The following RAB38 variants were observed in gnomAD, a reference collection of about 807,000 sequenced individuals.
RAB38 encodes ras-related protein Rab-38.
In RAB38, 15 loss-of-function variants were observed where a neutral mutation model predicts 18.4. That is an observed-to-expected ratio of 0.82 (90% CI 0.55 to 1.26). The LOEUF (loss-of-function observed/expected upper bound fraction) is 1.26. Among genes scored for constraint, RAB38 ranks in the 50% most tolerant of loss-of-function variants. RAB38 has a pLI of 0.00. For synonymous variants in RAB38, 101 were observed against 104.4 expected (o/e 0.97, Z 0.20); for missense variants, 294 against 267.4 (o/e 1.10, Z -0.69).
chr11:87,886,076 C>T, the RAB38 span, among the ~76,000 whole-genome samples: 2 of 151,904 alleles, frequency 1.3e-5, no homozygotes, highest in African/African-American at 4.8e-5. Flanking sequence ...CTTGATACAC[C>T]GTTTCAACTC....
chr11:87,873,906 A>G, the RAB38 span, among the ~76,000 whole-genome samples: 547 of 77,590 alleles, frequency 7.0e-3, 16 homozygotes, highest in East Asian at 0.073. Flanking sequence ...ATATATATAT[A>G]TATGTGTGTG....
chr11:88,020,916 G>A, the RAB38 span, among the ~76,000 whole-genome samples: 1 of 151,882 alleles, frequency 6.6e-6, no homozygotes, highest in African/African-American at 2.4e-5. Flanking sequence ...AATGAAAACA[G>A]AACATATGAA....
At chr11:87,956,489 C>A in the RAB38 span, among the ~76,000 whole-genome samples, 1 of 152,098 alleles carries the variant, frequency 6.6e-6, no homozygotes, top group Non-Finnish European at 1.5e-5. Context: ...ACCATGGCCT[C>A]CCACTCCTGC....
the RAB38 span, among the ~76,000 whole-genome samples, chr11:87,845,391 G>T: frequency 5.9e-5 from 9 of 151,866 alleles, no homozygotes; most frequent in African/African-American, 2.2e-4. Flanking sequence ...AACTCAACAA[G>T]AAATAAAAAC....
the RAB38 span, among the ~76,000 whole-genome samples, chr11:87,886,600 C>CTAT: frequency 6.6e-6 from 1 of 151,902 alleles, no homozygotes; most frequent in African/African-American, 2.4e-5. Context: ...CTACCCGTGG[C>CTAT]TATCAAGGTC....
chr11:88,065,071 G>T, the RAB38 span, among the ~76,000 whole-genome samples: 1 of 151,988 alleles, frequency 6.6e-6, no homozygotes, highest in Non-Finnish European at 1.5e-5. Context: ...CTTTATATGG[G>T]CAGACCTCTG....
the RAB38 span, among the ~76,000 whole-genome samples, chr11:87,869,169 T>C: frequency 6.6e-6 from 1 of 151,716 alleles, no homozygotes; most frequent in Non-Finnish European, 1.5e-5. Flanking sequence ...AACTGTCCTT[T>C]ACTGCTGTCT....
At chr11:88,039,355 C>CTT in the RAB38 span, among the ~76,000 whole-genome samples, 2 of 151,594 alleles carry the variant, frequency 1.3e-5, no homozygotes, top group South Asian at 2.1e-4. Flanking sequence ...ACTTCAGCTA[C>CTT]TTTTTTTTTA....
the RAB38 span, among the ~76,000 whole-genome samples, chr11:88,005,077 G>A: frequency 6.6e-6 from 1 of 151,368 alleles, no homozygotes; most frequent in Non-Finnish European, 1.5e-5. Context: ...TGAATCTAAT[G>A]TAATCCTAAA....
chr11:88,045,312 G>T, the RAB38 span, among the ~76,000 whole-genome samples: 1 of 152,324 alleles, frequency 6.6e-6, no homozygotes, highest in African/African-American at 2.4e-5. Flanking sequence ...TTAGGGTAGA[G>T]GCAGCCAAGT....
the RAB38 span, among the ~76,000 whole-genome samples, chr11:87,951,810 G>A: frequency 6.6e-6 from 1 of 150,990 alleles, no homozygotes; most frequent in Non-Finnish European, 1.5e-5. Flanking sequence ...TGCCCCTACT[G>A]GGGGGGTGCC....
At chr11:87,921,032 A>T in the RAB38 span, among the ~76,000 whole-genome samples, 77 of 152,138 alleles carry the variant, frequency 5.1e-4, no homozygotes, top group African/African-American at 1.8e-3. Context: ...TCATAACAGG[A>T]CAGAAGGCAT....
the RAB38 span, among the ~76,000 whole-genome samples, chr11:87,866,126 G>A: frequency 6.6e-6 from 1 of 151,674 alleles, no homozygotes; most frequent in Admixed American, 6.6e-5. Context: ...AACTGAAAAG[G>A]AGAAAAGTAG....
the RAB38 span, among the ~76,000 whole-genome samples, chr11:87,833,850 T>C: frequency 1.1e-3 from 161 of 152,326 alleles, 1 homozygote; most frequent in Middle Eastern, 0.01. Context: ...AAGAAGTCCA[T>C]GCTCCAATCC....
the RAB38 span, among the ~76,000 whole-genome samples, chr11:87,956,065 T>C: frequency 1.3e-5 from 2 of 152,168 alleles, no homozygotes; most frequent in African/African-American, 2.4e-5. Flanking sequence ...GTATGGTTCA[T>C]ATATTTTCTG....
chr11:87,956,619 G>A, the RAB38 span, among the ~76,000 whole-genome samples: 136 of 152,224 alleles, frequency 8.9e-4, no homozygotes, highest in South Asian at 7.5e-3. Context: ...TAATTTGTGG[G>A]AGCTCAGAAC....
At chr11:88,095,189 A>C in the RAB38 span, among the ~76,000 whole-genome samples, 1 of 152,078 alleles carries the variant, frequency 6.6e-6, no homozygotes, top group African/African-American at 2.4e-5. Context: ...ATAAGCAAAA[A>C]TACAGAACAA....
the RAB38 span, among the ~76,000 whole-genome samples, chr11:87,857,792 A>T: frequency 2.0e-5 from 3 of 151,736 alleles, no homozygotes; most frequent in African/African-American, 7.3e-5. Flanking sequence ...GATTGCAAAA[A>T]TTTTCTCCCA....
At chr11:87,917,247 C>T in the RAB38 span, among the ~76,000 whole-genome samples, 2 of 151,884 alleles carry the variant, frequency 1.3e-5, no homozygotes, top group Non-Finnish European at 2.9e-5. Flanking sequence ...TGGGGGTCAC[C>T]AAGGTGAGTC....
Sources: allele counts gnomAD v4.1 joint callset (sites outside exome capture counted in the v4.1 genomes callset), GRCh38; gene constraint gnomAD v4.1.1; transcripts MANE v1.5; gene names NCBI Gene and HGNC (gene_info 2026-07-23, HGNC 2026-07-21).